OXR1: variants seen among roughly 807,000 people sequenced by gnomAD.
The protein encoded by OXR1 is oxidation resistance 1.
OXR1 carries 41 observed loss-of-function variants against 104.6 expected under a neutral mutation model. The ratio of observed to expected loss-of-function variants is 0.39; its 90% confidence interval spans 0.31 to 0.51. The LOEUF (loss-of-function observed/expected upper bound fraction) is 0.51, where lower values mean the gene tolerates loss of function less well. Among genes scored for constraint, OXR1 ranks in the 20% least tolerant of loss-of-function variants. OXR1 has a pLI of 0.77. For synonymous variants in OXR1, 348 were observed against 348.4 expected (o/e 1.00, Z 0.01); for missense variants, 955 against 1,031.9 (o/e 0.93, Z 1.02).
At position 106,496,583 on chromosome 8, in the gene OXR1, T is replaced by C. The variant is rs150191277; in HGVS notation, c.24-22360T>C. 2.5e-3 allele frequency among the ~76,000 whole-genome samples: 382 copies of C among 152,296 alleles called. 2 individuals are homozygous for C. The highest frequency in any genetic ancestry group is 4.3e-3 in the Non-Finnish European group (291 of 68,012). The stretch of plus-strand genomic sequence containing the variant: ...AGAAAGAGAGCTGGAGAGTCTCACA[T>C]TGGTGATTCTTGGTGCAGAAGTGAT... On this transcript the variant is annotated intron_variant, in intron 2 of 16. Coordinates refer to ENST00000517566, the MANE Select transcript of OXR1 (RefSeq NM_001198533.2).
At chr8:106,641,427 C>T (rs1437674687) in intron 3 of OXR1, among the ~76,000 whole-genome samples, 3 of 152,124 alleles carry the variant, frequency 2.0e-5, no homozygotes, top group Non-Finnish European at 2.9e-5. Context: ...GTTATCTCCA[C>T]GCACAGCATA....
intron 2 of OXR1, among the ~76,000 whole-genome samples, chr8:106,400,565 T>G (rs961751778): frequency 9.2e-5 from 14 of 152,210 alleles, no homozygotes; most frequent in African/African-American, 3.4e-4. Context: ...TTTTAAACTT[T>G]TATTTTTTAA....
chr8:106,576,371 T>A (rs1474254524), intron 3 of OXR1, among the ~76,000 whole-genome samples: 1 of 151,058 alleles, frequency 6.6e-6, no homozygotes, highest in Non-Finnish European at 1.5e-5. Context: ...TAGAATAACA[T>A]TCTGGAAATT....
chr8:106,516,706 T>TTC, intron 2 of OXR1, among the ~76,000 whole-genome samples: 1 of 152,288 alleles, frequency 6.6e-6, no homozygotes, highest in South Asian at 2.1e-4. Context: ...ATGAATACAG[T>TTC]AGTACCACCT....
chr8:106,290,269 A>T (rs1302765244), intron 1 of OXR1, among the ~76,000 whole-genome samples: 1 of 152,142 alleles, frequency 6.6e-6, no homozygotes, highest in East Asian at 1.9e-4. Flanking sequence ...ATGAAACTGG[A>T]CCCTTACTTT....
intron 2 of OXR1, among the ~76,000 whole-genome samples, chr8:106,506,346 G>A (rs1041847846): frequency 5.9e-5 from 9 of 152,216 alleles, no homozygotes; most frequent in African/African-American, 2.2e-4. Flanking sequence ...AGGCGCGGTG[G>A]CTCACGCCTG....
chr8:106,296,342 G>A (rs1812993666), intron 1 of OXR1, among the ~76,000 whole-genome samples: 1 of 152,074 alleles, frequency 6.6e-6, no homozygotes, highest in Non-Finnish European at 1.5e-5. Flanking sequence ...GCTCTTTTAG[G>A]TATTGATAAT....
At chr8:106,297,805 A>C (rs1033983295) in intron 1 of OXR1, among the ~76,000 whole-genome samples, 2 of 152,224 alleles carry the variant, frequency 1.3e-5, no homozygotes, top group African/African-American at 4.8e-5. Flanking sequence ...AAACATGCAC[A>C]ACTCTTTGCC....
intron 2 of OXR1, among the ~76,000 whole-genome samples, chr8:106,488,150 G>C (rs1475095690): frequency 6.9e-6 from 1 of 144,588 alleles, no homozygotes; most frequent in South Asian, 2.2e-4. Context: ...TTGTGGTTTT[G>C]ATTTGCATTT....
intron 2 of OXR1, among the ~76,000 whole-genome samples, chr8:106,377,656 G>A (rs575542771): frequency 1.5e-4 from 23 of 152,258 alleles, no homozygotes; most frequent in East Asian, 5.8e-4. Flanking sequence ...ACAGTCATCC[G>A]AGTTTCTGAA....
intron 5 of OXR1, among the ~76,000 whole-genome samples, 194 bp from the exon 6 acceptor site, chr8:106,684,052 C>T (rs1432059160): frequency 6.6e-6 from 1 of 152,052 alleles, no homozygotes; most frequent in African/African-American, 2.4e-5. Context: ...CCTATTCCAG[C>T]CGTATATATT....
At chr8:106,670,749 A>G (rs1218508097) in intron 3 of OXR1, among the ~76,000 whole-genome samples, 1 of 152,164 alleles carries the variant, frequency 6.6e-6, no homozygotes, top group Non-Finnish European at 1.5e-5. Flanking sequence ...AGGTAAGTTC[A>G]ATACAAGATA....
intron 2 of OXR1, among the ~76,000 whole-genome samples, chr8:106,376,020 A>T (rs1816893198): frequency 6.6e-6 from 1 of 152,084 alleles, no homozygotes; most frequent in Non-Finnish European, 1.5e-5. Context: ...AGCTAATTTT[A>T]AAAATATTTT....
At chr8:106,582,405 A>G (rs1818314387) in intron 3 of OXR1, among the ~76,000 whole-genome samples, 1 of 151,990 alleles carries the variant, frequency 6.6e-6, no homozygotes, top group African/African-American at 2.4e-5. Flanking sequence ...CCTGGGGACA[A>G]CAAGGTTTTT....
chr8:106,449,802 T>C (rs1820213858), intron 2 of OXR1, among the ~76,000 whole-genome samples: 1 of 152,140 alleles, frequency 6.6e-6, no homozygotes, highest in Non-Finnish European at 1.5e-5. Context: ...TCTTTTACTT[T>C]TTTGTCTTTT....
intron 1 of OXR1, among the ~76,000 whole-genome samples, chr8:106,331,997 AGTGTGTGTGTGTGT>A (rs3073756): frequency 3.5e-4 from 49 of 138,170 alleles, no homozygotes; most frequent in East Asian, 1.5e-3. Flanking sequence ...GAAAGAACAT[AGTGTGTGTGTGTGT>A]GTGTGTGTGT....
chr8:106,472,489 A>G (rs974887865), intron 2 of OXR1, among the ~76,000 whole-genome samples: 1 of 151,880 alleles, frequency 6.6e-6, no homozygotes, highest in East Asian at 1.9e-4. Context: ...CAGTCAGGCT[A>G]TGGTGACAAG....
intron 1 of OXR1, among the ~76,000 whole-genome samples, chr8:106,300,655 G>A (rs967595441): frequency 6.6e-6 from 1 of 152,110 alleles, no homozygotes; most frequent in East Asian, 1.9e-4. Context: ...TGTGGCATAA[G>A]GACTGTGCTG....
intron 3 of OXR1, among the ~76,000 whole-genome samples, chr8:106,551,809 T>TAC (rs1167241177): frequency 2.3e-5 from 3 of 132,486 alleles, no homozygotes; most frequent in African/African-American, 8.9e-5. Flanking sequence ...TATATATATA[T>TAC]ATATACACAC....
Sources: gnomAD v4.1 joint callset for allele counts (sites outside exome capture counted in the v4.1 genomes callset) on GRCh38, gnomAD v4.1.1 for gene constraint, MANE v1.5 for transcripts, NCBI Gene and HGNC (gene_info 2026-07-23, HGNC 2026-07-21) for gene names.